Variants in FNBP1L observed in about 807,000 individuals in gnomAD.
FNBP1L encodes the protein formin-binding protein 1-like.
FNBP1L carries 36 observed loss-of-function variants against 91.2 expected under a neutral mutation model. That is an observed-to-expected ratio of 0.39 (90% confidence interval 0.30 to 0.52). FNBP1L has a LOEUF of 0.52. Among genes scored for constraint, FNBP1L ranks in the 20% least tolerant of loss-of-function variants. The pLI, the probability that FNBP1L is intolerant of heterozygous loss-of-function variation, is 0.66. For missense variants in FNBP1L, 571 were observed against 732.1 expected (o/e 0.78, Z 2.54); for synonymous variants, 242 against 237.0 (o/e 1.02, Z -0.19).
At chr1:93,484,763 G>A (rs1337560562) in intron 1 of FNBP1L, among the ~76,000 whole-genome samples, 1 of 152,188 alleles carries the variant, frequency 6.6e-6, no homozygotes, top group East Asian at 1.9e-4. Flanking sequence ...CTCTAGTTAT[G>A]GTGTTAACCC....
intron 1 of FNBP1L, among the ~76,000 whole-genome samples, chr1:93,449,637 A>G (rs1219556959): frequency 6.6e-6 from 1 of 152,186 alleles, no homozygotes; most frequent in Non-Finnish European, 1.5e-5. Flanking sequence ...CATTCTGTAC[A>G]AGTGCTTACC....
In FNBP1L at chr1:93,458,085, C is replaced by T. The variant is rs963313611; in HGVS notation, c.24+9780C>T. ...GATTACAGGCGTGAGCCACGACGCC[C>T]GGCCGGAAACAGGAATTTCTTATAT... On this transcript the variant is annotated intron_variant, in intron 1 of 16. Coordinates refer to ENST00000271234, the MANE Select transcript of FNBP1L (RefSeq NM_001164473.3). Among the ~76,000 whole-genome samples, 13 of 152,072 alleles carry T rather than the reference C, an allele frequency of 8.5e-5. 1 individual carries two copies. The highest frequency in any genetic ancestry group is 2.7e-4 in the African/African-American group (11 of 41,388).
intron 7 of FNBP1L, among the ~76,000 whole-genome samples, chr1:93,532,416 G>A (rs1280324382): frequency 7.0e-6 from 1 of 143,410 alleles, no homozygotes; most frequent in Non-Finnish European, 1.5e-5. Context: ...GCAGTGAGCC[G>A]AGATCGCGCA....
intron 1 of FNBP1L, among the ~76,000 whole-genome samples, chr1:93,497,047 A>C (rs889057754): frequency 3.9e-5 from 6 of 152,014 alleles, no homozygotes; most frequent in South Asian, 2.1e-4. Context: ...TGCAAGCTCT[A>C]CCTACTGGGT....
intron 1 of FNBP1L, among the ~76,000 whole-genome samples, chr1:93,465,946 G>C (rs931518076): frequency 6.6e-6 from 1 of 152,166 alleles, no homozygotes; most frequent in Admixed American, 6.5e-5. Flanking sequence ...GCATTTCTCT[G>C]ATGACCAGTG....
chr1:93,460,471 A>C (rs912629691), intron 1 of FNBP1L, among the ~76,000 whole-genome samples: 1 of 152,228 alleles, frequency 6.6e-6, no homozygotes, highest in Non-Finnish European at 1.5e-5. Context: ...ACAGGAGGCA[A>C]CGTAAATGTC....
intron 1 of FNBP1L, among the ~76,000 whole-genome samples, chr1:93,487,904 C>T (rs1257470740): frequency 2.6e-5 from 4 of 152,120 alleles, no homozygotes; most frequent in Non-Finnish European, 5.9e-5. Flanking sequence ...CTATTAATTC[C>T]AGACATATGT....
chr1:93,482,810 G>A (rs1007310018), intron 1 of FNBP1L, among the ~76,000 whole-genome samples: 10 of 152,038 alleles, frequency 6.6e-5, no homozygotes, highest in African/African-American at 2.4e-4. Context: ...ATGAGGTCAG[G>A]AGATCGAGAC....
chr1:93,537,717 C>G (rs1444122905), intron 10 of FNBP1L, among the ~76,000 whole-genome samples: 1 of 152,072 alleles, frequency 6.6e-6, no homozygotes, highest in African/African-American at 2.4e-5. Context: ...GTAGGCATGC[C>G]TATAATCACT....
Position 93,553,935 on chromosome 1 carries a change from A to C in FNBP1L, c.*1519A>C, listed in dbSNP as rs1672495999. 6.6e-6 allele frequency: 1 copy of C among 152,600 alleles called. No homozygotes were observed. Among genetic ancestry groups the C allele is most frequent in the Non-Finnish European group, 1.5e-5 (1 of 68,042 alleles). The allele number at this position is 152,600 out of a possible 1,614,324, so 9.5% of individuals were successfully genotyped here. On this transcript the variant is annotated 3_prime_UTR_variant, in exon 17 of 17. Coordinates refer to ENST00000271234, the MANE Select transcript of FNBP1L (RefSeq NM_001164473.3). Reference sequence around the variant, plus strand: ...ATGGTTTGTGTATTATTGAATTTTAAGCAATATTTTAGAAGCTGTGTGACT... The same window carrying C: ...ATGGTTTGTGTATTATTGAATTTTACGCAATATTTTAGAAGCTGTGTGACT...
At chr1:93,517,420 G>A (rs919601673) in intron 2 of FNBP1L, among the ~76,000 whole-genome samples, 2 of 151,976 alleles carry the variant, frequency 1.3e-5, no homozygotes, top group African/African-American at 4.8e-5. Context: ...TCGAACTCCT[G>A]GCCCCAAGGG....
intron 1 of FNBP1L, among the ~76,000 whole-genome samples, chr1:93,460,775 TGTGGGGAGAA>T (rs1668833538): frequency 6.6e-6 from 1 of 152,070 alleles, no homozygotes; most frequent in African/African-American, 2.4e-5. Context: ...AGAGGCTGGG[TGTGGGGAGAA>T]GTGGGGAGAT....
At chr1:93,465,714 T>G (rs1335158946) in intron 1 of FNBP1L, among the ~76,000 whole-genome samples, 7 of 152,360 alleles carry the variant, frequency 4.6e-5, no homozygotes, top group Middle Eastern at 3.4e-3. Context: ...TTTGGGTATA[T>G]ACCCAGTAAT....
At chr1:93,489,375 G>A (rs540885173) in intron 1 of FNBP1L, among the ~76,000 whole-genome samples, 1 of 152,148 alleles carries the variant, frequency 6.6e-6, no homozygotes, top group South Asian at 2.1e-4. Flanking sequence ...GGTATTTCAG[G>A]GAGTGACTTG....
intron 1 of FNBP1L, among the ~76,000 whole-genome samples, chr1:93,485,450 A>G (rs189845039): frequency 6.6e-6 from 1 of 152,316 alleles, no homozygotes; most frequent in East Asian, 1.9e-4. Flanking sequence ...CATAAAACCT[A>G]TGTATTGTAT....
At position 93,534,611 on chromosome 1, in the gene FNBP1L, T is replaced by C. The variant is rs189696015; in HGVS notation, c.787-94T>C. 10 of 716,006 alleles carry C rather than the reference T, an allele frequency of 1.4e-5. No homozygotes were observed. In the Admixed American group the frequency reaches 1.5e-4, roughly 11 times the overall value. 44.4% of individuals were successfully genotyped at this position (716,006 alleles called of 1,614,324 possible). On this transcript the variant is annotated intron_variant, in intron 8 of 16. Coordinates refer to ENST00000271234, the MANE Select transcript of FNBP1L (RefSeq NM_001164473.3). ...TTGTGGAATTATTTATTTAAACTTATATTTGTTGTTTTTTTGTACTGAAAA... is the reference window on the plus strand; with the variant it reads ...TTGTGGAATTATTTATTTAAACTTACATTTGTTGTTTTTTTGTACTGAAAA...
chr1:93,464,111 A>C (rs1170698739), intron 1 of FNBP1L, among the ~76,000 whole-genome samples: 1 of 152,204 alleles, frequency 6.6e-6, no homozygotes, highest in Admixed American at 6.5e-5. Context: ...GAAGAAATTG[A>C]AACCCTTGTG....
Position 93,554,079 on chromosome 1 carries a change from G to C in FNBP1L, c.*1663G>C, listed in dbSNP as rs1351895754. The stretch of plus-strand genomic sequence containing the variant: ...ATCAAGTCACCACTGTTACACAGCT[G>C]ACATATAGTGTATTACCTTTGCAGC... On this transcript the variant is annotated 3_prime_UTR_variant, in exon 17 of 17. Coordinates refer to ENST00000271234, the MANE Select transcript of FNBP1L (RefSeq NM_001164473.3). 1 of 152,634 alleles carries C rather than the reference G, an allele frequency of 6.6e-6. No homozygotes were observed. The highest frequency in any genetic ancestry group is 1.9e-4 in the East Asian group (1 of 5,198). The allele number at this position is 152,634 out of a possible 1,614,324, so 9.5% of individuals were successfully genotyped here. A position where few individuals can be genotyped will look rare whatever the true frequency, so the allele number is the denominator to read the frequency against.
chr1:93,501,404 A>G (rs914321637), intron 2 of FNBP1L, among the ~76,000 whole-genome samples: 1 of 152,164 alleles, frequency 6.6e-6, no homozygotes, highest in African/African-American at 2.4e-5. Flanking sequence ...GGCTTCTGGC[A>G]CAGGGTTTTG....
Sources: gnomAD v4.1 joint callset for allele counts (sites outside exome capture counted in the v4.1 genomes callset) on GRCh38, gnomAD v4.1.1 for gene constraint, MANE v1.5 for transcripts, NCBI Gene and HGNC (gene_info 2026-07-23, HGNC 2026-07-21) for gene names.